Variants in COL23A1 observed in about 807,000 individuals in gnomAD.
The protein encoded by COL23A1 is collagen type XXIII alpha 1 chain, also known as collagen alpha-1(XXIII) chain.
COL23A1 carries 97 observed loss-of-function variants against 99.3 expected under a neutral mutation model. The observed-to-expected ratio is 0.98, with a 90% confidence interval of 0.83 to 1.16. The LOEUF (loss-of-function observed/expected upper bound fraction) is 1.16, where lower values mean the gene tolerates loss of function less well. COL23A1 is among the 50% of genes most tolerant of loss of function. The probability of loss-of-function intolerance (pLI) is 0.00; values close to 1 mark genes in which losing one functional copy is unlikely to be tolerated. For synonymous variants in COL23A1, 320 were observed against 308.2 expected, an observed-to-expected ratio of 1.04 and a Z score of -0.40; for missense variants, 762 against 757.4, an observed-to-expected ratio of 1.01 and a Z score of -0.07.
chr5:178,359,653 C>A (rs1377608064), intron 2 of COL23A1, among the ~76,000 whole-genome samples: 1 of 152,226 alleles, frequency 6.6e-6, no homozygotes, highest in Non-Finnish European at 1.5e-5. Flanking sequence ...AAAACCCAGT[C>A]TACATTTCTC....
chr5:178,288,220 G>A, intron 5 of COL23A1, 104 bp downstream of exon 5: 1 of 1,010,400 alleles, frequency 9.9e-7, no homozygotes, highest in South Asian at 1.2e-5. Context: ...CTGCTGAGGA[G>A]CAGAAGAGAC....
Position 178,525,756 on chromosome 5 carries a change from C to A in COL23A1, c.361+34926G>T, listed in dbSNP as rs115725898. ...GGACCCGAAGGCTTTATCTAAAACA[C>A]TCAGTGCAAAATGGAAAAAGATAAT... On this transcript the variant is annotated intron_variant, in intron 2 of 28. Transcript: ENST00000390654. Among the ~76,000 whole-genome samples the A allele has an allele frequency of 3.5e-3, 521 of 149,784 alleles. 6 individuals are homozygous for A. The highest frequency in any genetic ancestry group is 0.013 in the African/African-American group (496 of 39,176).
At chr5:178,499,674 A>G (rs1006172846) in intron 2 of COL23A1, among the ~76,000 whole-genome samples, 4 of 152,252 alleles carry the variant, frequency 2.6e-5, no homozygotes. Flanking sequence ...TAAAAAGTTA[A>G]TCGTATACCT....
Position 178,292,314 on chromosome 5 carries a change from C to T in COL23A1, c.407-1945G>A, listed in dbSNP as rs142453172. Among the ~76,000 whole-genome samples the T allele has an allele frequency of 3.1e-3, 476 of 152,346 alleles. 4 individuals are homozygous for T. Among genetic ancestry groups the T allele is most frequent in the African/African-American group, 0.011 (461 of 41,590 alleles). ...ACCTTCAATTAGGCCACTGTCCCCT[C>T]TGTATTGCCCAGAGCCTGGCCCCAT... is the stretch of plus-strand genomic sequence containing the variant. On this transcript the variant is annotated intron_variant, in intron 3 of 28. Transcript: ENST00000390654.
At chr5:178,271,291 C>T (rs1468132734) in intron 5 of COL23A1, among the ~76,000 whole-genome samples, 1 of 152,174 alleles carries the variant, frequency 6.6e-6, no homozygotes, top group Non-Finnish European at 1.5e-5. Context: ...ACCACTGTCC[C>T]CTCACCCCCA....
intron 2 of COL23A1, among the ~76,000 whole-genome samples, chr5:178,501,276 G>A (rs1288130322): frequency 6.6e-6 from 1 of 152,108 alleles, no homozygotes; most frequent in African/African-American, 2.4e-5. Context: ...ACACTAAAAG[G>A]CACAGACCAA....
chr5:178,331,332 C>T (rs1760008145), intron 2 of COL23A1, among the ~76,000 whole-genome samples: 1 of 152,252 alleles, frequency 6.6e-6, no homozygotes, highest in African/African-American at 2.4e-5. Flanking sequence ...AAGGTGGAGG[C>T]TTTGAGGCCA....
At chr5:178,579,914 G>A (rs115088557) in intron 1 of COL23A1, among the ~76,000 whole-genome samples, 1,714 of 152,296 alleles carry the variant, frequency 0.011, 31 homozygotes, top group African/African-American at 0.038. Flanking sequence ...TGAGGTTACT[G>A]GGTCACCTAG....
intron 2 of COL23A1, among the ~76,000 whole-genome samples, chr5:178,343,981 C>A (rs1760821098): frequency 6.6e-6 from 1 of 152,082 alleles, no homozygotes; most frequent in African/African-American, 2.4e-5. Context: ...TTTAAAAGAC[C>A]ATTCTGAACC....
At chr5:178,450,555 T>C (rs774054267) in intron 2 of COL23A1, among the ~76,000 whole-genome samples, 9 of 152,194 alleles carry the variant, frequency 5.9e-5, no homozygotes, top group Non-Finnish European at 1.3e-4. Flanking sequence ...GCTACACCGG[T>C]GTCTGTGCTG....
chr5:178,563,108 T>C (rs756115621), intron 1 of COL23A1, among the ~76,000 whole-genome samples: 1 of 152,148 alleles, frequency 6.6e-6, no homozygotes, highest in Non-Finnish European at 1.5e-5. Context: ...TTAGGCGCAC[T>C]CACTCCTCCA....
At position 178,360,287 on chromosome 5, in the gene COL23A1, A is replaced by G. The variant is rs1288109494; in HGVS notation, c.362-53368T>C. 2.0e-5 allele frequency among the ~76,000 whole-genome samples: 3 copies of G among 152,270 alleles called. No individual in the cohort carries two copies. The East Asian group carries it at 5.8e-4, about 29-fold the overall frequency. On this transcript the variant is annotated intron_variant, in intron 2 of 28. Transcript: ENST00000390654. ...GTCACTGAATTTCACAGAAAGTAGA[A>G]TAAGAATAGAAACTGCGAAGCTTTT... is the stretch of plus-strand genomic sequence containing the variant.
At chr5:178,481,350 CA>C (rs1477149150) in intron 2 of COL23A1, among the ~76,000 whole-genome samples, 3 of 151,996 alleles carry the variant, frequency 2.0e-5, no homozygotes, top group Non-Finnish European at 2.9e-5. Context: ...ATATGACACA[CA>C]GCAGAAGAAA....
chr5:178,444,365 T>C (rs1767047864), intron 2 of COL23A1, among the ~76,000 whole-genome samples: 4 of 152,206 alleles, frequency 2.6e-5, no homozygotes, highest in African/African-American at 9.7e-5. Context: ...TCATATTTGT[T>C]TTTCTCTGTT....
intron 2 of COL23A1, among the ~76,000 whole-genome samples, chr5:178,454,343 G>A (rs1268898512): frequency 1.3e-5 from 2 of 152,126 alleles, no homozygotes; most frequent in Non-Finnish European, 2.9e-5. Flanking sequence ...TGAACAAATG[G>A]TCACTTTCTC....
In COL23A1 at chr5:178,306,879, G is replaced by T; in HGVS notation, c.402C>A (p.Asp134Glu). Reference protein sequence around the residue: ...GRRGKPGRRGDPGPPGQSGRD... With the variant: ...GRRGKPGRRGEPGPPGQSGRD... ...CTGAGAAAACCTGGGACTCACCAGG[G>T]TCGCCTCTTCTCCCAGGCTTGCCGC... The change falls in exon 3 of 29, where the codon GAC becomes GAA. Residue 134 changes from aspartate to glutamate, a missense_variant. By Grantham distance (45) the Asp-to-Glu change is conservative. Coordinates refer to ENST00000390654, the MANE Select transcript of COL23A1 (RefSeq NM_173465.4). The surrounding 1 kb of genome is among the most constrained non-coding windows in gnomAD (Gnocchi z 4.1). 5 of 1,539,856 alleles carry T rather than the reference G, an allele frequency of 3.2e-6. No individual in the cohort carries two copies. Among genetic ancestry groups the T allele is most frequent in the Non-Finnish European group, 3.5e-6 (4 of 1,142,530 alleles).
At chr5:178,542,583 T>G (rs1462782301) in intron 2 of COL23A1, among the ~76,000 whole-genome samples, 3 of 152,036 alleles carry the variant, frequency 2.0e-5, no homozygotes, top group African/African-American at 4.8e-5. Flanking sequence ...CAGAAGGCTC[T>G]TACATCGGAA....
chr5:178,357,178 G>A (rs1256415165), intron 2 of COL23A1, among the ~76,000 whole-genome samples: 1 of 152,212 alleles, frequency 6.6e-6, no homozygotes. Context: ...GGTGACCTGG[G>A]GCTTCCCAGC....
At chr5:178,485,167 T>C (rs1311915268) in intron 2 of COL23A1, among the ~76,000 whole-genome samples, 1 of 152,200 alleles carries the variant, frequency 6.6e-6, no homozygotes, top group Non-Finnish European at 1.5e-5. Context: ...GGTGTAGTTT[T>C]GTTTGTAAAG....
Sources: gnomAD v4.1 joint callset for allele counts (sites outside exome capture counted in the v4.1 genomes callset) on GRCh38, gnomAD v4.1.1 for gene constraint, Gnocchi (gnomAD v3.1) non-coding constraint, MANE v1.5 for transcripts, NCBI Gene and HGNC (gene_info 2026-07-23, HGNC 2026-07-21) for gene names.